AGBL4: variants seen among roughly 807,000 people sequenced by gnomAD.
The protein encoded by AGBL4 is AGBL carboxypeptidase 4, also known as cytosolic carboxypeptidase 6.
Under a neutral mutation model 66.4 loss-of-function variants are expected in AGBL4, and 58 were observed. That is an observed-to-expected ratio of 0.87 (90% confidence interval 0.71 to 1.09). The LOEUF is 1.09. Among genes scored for constraint, AGBL4 ranks in the 50% least tolerant of loss-of-function variants. The pLI, the probability that AGBL4 is intolerant of heterozygous loss-of-function variation, is 0.00. For synonymous variants in AGBL4, 234 were observed against 222.9 expected (o/e 1.05, Z -0.44); for missense variants, 579 against 631.0 (o/e 0.92, Z 0.88).
At chr1:49,370,371 A>G (rs948651043) in intron 3 of AGBL4, among the ~76,000 whole-genome samples, 69 of 152,078 alleles carry the variant, frequency 4.5e-4, no homozygotes, top group African/African-American at 1.6e-3. Flanking sequence ...TACATCAGGC[A>G]GACCAGCAGG....
chr1:49,695,412 C>G (rs1045274066), intron 3 of AGBL4, among the ~76,000 whole-genome samples: 1 of 152,068 alleles, frequency 6.6e-6, no homozygotes, highest in East Asian at 1.9e-4. Flanking sequence ...AGCCGCCTAT[C>G]GTGGATTATA....
intron 5 of AGBL4, among the ~76,000 whole-genome samples, chr1:48,992,354 T>C (rs1660661760): frequency 6.6e-6 from 1 of 151,726 alleles, no homozygotes; most frequent in South Asian, 2.1e-4. Flanking sequence ...ATGGAGTCAC[T>C]CTCTCTCTCT....
At chr1:49,702,262 G>T (rs1484407303) in intron 2 of AGBL4, among the ~76,000 whole-genome samples, 2 of 152,126 alleles carry the variant, frequency 1.3e-5, no homozygotes, top group African/African-American at 4.8e-5. Flanking sequence ...GGAGGCCAAG[G>T]CAGGCAGATT....
chr1:49,183,506 T>C (rs1646964390), intron 4 of AGBL4, among the ~76,000 whole-genome samples: 1 of 152,100 alleles, frequency 6.6e-6, no homozygotes, highest in Non-Finnish European at 1.5e-5. Flanking sequence ...TCACAACCCA[T>C]AGTCACAAAA....
chr1:48,870,944 C>T (rs1648593404), intron 5 of AGBL4, among the ~76,000 whole-genome samples: 1 of 152,130 alleles, frequency 6.6e-6, no homozygotes, highest in Admixed American at 6.6e-5. Context: ...AGCTAAGAAA[C>T]TGGAATATTT....
intron 11 of AGBL4, among the ~76,000 whole-genome samples, chr1:48,582,819 T>A (rs989078725): frequency 6.6e-6 from 1 of 152,202 alleles, no homozygotes. Context: ...TTTATTTATT[T>A]CCCAGATATA....
intron 5 of AGBL4, among the ~76,000 whole-genome samples, chr1:48,951,736 TC>T (rs1349572484): frequency 6.6e-6 from 1 of 152,212 alleles, no homozygotes; most frequent in East Asian, 1.9e-4. Context: ...TTTATGTTAT[TC>T]ATAACTCACC....
At chr1:49,331,621 C>G (rs1324254179) in intron 3 of AGBL4, among the ~76,000 whole-genome samples, 1 of 152,152 alleles carries the variant, frequency 6.6e-6, no homozygotes, top group African/African-American at 2.4e-5. Context: ...TCCAGCCACC[C>G]GGCCTGTATT....
intron 3 of AGBL4, among the ~76,000 whole-genome samples, chr1:49,471,413 A>G (rs1034724329): frequency 2.6e-5 from 4 of 151,930 alleles, no homozygotes; most frequent in African/African-American, 9.7e-5. Flanking sequence ...TGCTTCTAGG[A>G]AGATGGAGCA....
At chr1:49,379,112 G>T (rs1438831815) in intron 3 of AGBL4, among the ~76,000 whole-genome samples, 1 of 152,030 alleles carries the variant, frequency 6.6e-6, no homozygotes, top group East Asian at 1.9e-4. Context: ...GCATCAGGGG[G>T]TCTAAACTCA....
At chr1:49,529,606 G>A (rs925124839) in intron 3 of AGBL4, among the ~76,000 whole-genome samples, 3 of 152,128 alleles carry the variant, frequency 2.0e-5, no homozygotes, top group Admixed American at 2.0e-4. Context: ...TTGAACCCAG[G>A]AGGCAGAGTG....
At chr1:49,846,035 C>T (rs1646132827) in intron 2 of AGBL4, 3 of 1,591,872 alleles carry the variant, frequency 1.9e-6, no homozygotes, top group Admixed American at 1.7e-5. Context: ...CTTCAGTCAG[C>T]TTGCTCCCCT....
chr1:49,845,626 A>T, intron 2 of AGBL4: 1 of 1,608,008 alleles, frequency 6.2e-7, no homozygotes, highest in Non-Finnish European at 8.5e-7. Flanking sequence ...CACACCACTG[A>T]TTCAGCACCA....
chr1:49,558,811 T>A (rs542796770), intron 3 of AGBL4, among the ~76,000 whole-genome samples: 4 of 152,264 alleles, frequency 2.6e-5, no homozygotes, highest in South Asian at 4.2e-4. Context: ...GGCAGTACTC[T>A]CCATAGTCTG....
At position 49,183,715 on chromosome 1, in the gene AGBL4, C is replaced by T. The variant is rs569136345; in HGVS notation, c.377+62055G>A. On this transcript the variant is annotated intron_variant, in intron 4 of 13. Coordinates refer to ENST00000371839, the MANE Select transcript of AGBL4 (RefSeq NM_032785.4). ...TTTACCCACTTGTGGTTTTCTGAAT[C>T]TTTCTTGCTCTCTCACTTTCAGGCT... Among the ~76,000 whole-genome samples, 38 of 152,302 alleles carry T rather than the reference C, an allele frequency of 2.5e-4. No homozygotes were observed. In the South Asian group the frequency reaches 7.7e-3, roughly 31 times the overall value.
At chr1:49,280,580 T>C (rs1644254846) in intron 3 of AGBL4, among the ~76,000 whole-genome samples, 1 of 152,122 alleles carries the variant, frequency 6.6e-6, no homozygotes, top group Non-Finnish European at 1.5e-5. Context: ...TTCTAAAAAG[T>C]TCAACTCCAA....
chr1:49,441,286 T>C (rs1646024003), intron 3 of AGBL4, among the ~76,000 whole-genome samples: 1 of 152,022 alleles, frequency 6.6e-6, no homozygotes, highest in Non-Finnish European at 1.5e-5. Flanking sequence ...GGGATAATGG[T>C]GGAAGGAACA....
At chr1:49,702,162 G>A (rs1004750591) in intron 2 of AGBL4, among the ~76,000 whole-genome samples, 1 of 152,106 alleles carries the variant, frequency 6.6e-6, no homozygotes, top group Admixed American at 6.6e-5. Flanking sequence ...TGTTTTCACA[G>A]ATAAATTCTG....
intron 5 of AGBL4, among the ~76,000 whole-genome samples, chr1:48,885,511 TA>T (rs1006147776): frequency 2.0e-5 from 3 of 152,192 alleles, no homozygotes; most frequent in Non-Finnish European, 4.4e-5. Context: ...GGACAGGGTC[TA>T]ACACCAAGAC....
Sources: gnomAD v4.1 joint callset for allele counts (sites outside exome capture counted in the v4.1 genomes callset) on GRCh38, gnomAD v4.1.1 for gene constraint, MANE v1.5 for transcripts, NCBI Gene and HGNC (gene_info 2026-07-23, HGNC 2026-07-21) for gene names.